LINGO2: variants seen among roughly 807,000 people sequenced by gnomAD.
The protein encoded by LINGO2 is leucine rich repeat and Ig domain containing 2, also known as leucine-rich repeat and immunoglobulin-like domain-containing nogo receptor-interacting protein 2.
LINGO2 carries 14 observed loss-of-function variants against 30.6 expected under a neutral mutation model. That is an observed-to-expected ratio of 0.46 (90% CI 0.30 to 0.72). The LOEUF (loss-of-function observed/expected upper bound fraction) is 0.72, where lower values mean the gene tolerates loss of function less well. Ranked by LOEUF, LINGO2 falls within the 30% of genes least tolerant of loss-of-function variation. The pLI is 0.07. For synonymous variants in LINGO2, 317 were observed against 288.5 expected, an observed-to-expected ratio of 1.10 and a Z score of -1.00; for missense variants, 729 against 751.7, an observed-to-expected ratio of 0.97 and a Z score of 0.35.
At chr9:29,151,919 G>T in the LINGO2 span, among the ~76,000 whole-genome samples, 11 of 152,080 alleles carry the variant, frequency 7.2e-5, no homozygotes, top group Non-Finnish European at 1.3e-4. Flanking sequence ...AACGTCCCAA[G>T]ATTAAACGAG....
the LINGO2 span, among the ~76,000 whole-genome samples, chr9:28,776,460 C>G: frequency 6.6e-6 from 1 of 152,126 alleles, no homozygotes. Flanking sequence ...TGAAAACTAA[C>G]AATGCAGAAA....
At chr9:28,263,415 C>T (rs1822635092) in intron 4 of LINGO2, among the ~76,000 whole-genome samples, 2 of 151,894 alleles carry the variant, frequency 1.3e-5, no homozygotes, top group African/African-American at 4.8e-5. Context: ...TCACAGGTAC[C>T]ACTCACACTA....
At chr9:28,090,336 C>T (rs1826041900) in intron 4 of LINGO2, among the ~76,000 whole-genome samples, 1 of 152,160 alleles carries the variant, frequency 6.6e-6, no homozygotes, top group Non-Finnish European at 1.5e-5. Context: ...CAAACTGAAT[C>T]CAGCAGCACA....
intron 1 of LINGO2, among the ~76,000 whole-genome samples, chr9:28,537,961 T>C (rs1821508419): frequency 6.6e-6 from 1 of 151,144 alleles, no homozygotes; most frequent in Admixed American, 6.6e-5. Flanking sequence ...CCTAAAATTC[T>C]AAGAAATAAT....
At chr9:29,059,591 GA>G in the LINGO2 span, among the ~76,000 whole-genome samples, 221 of 151,790 alleles carry the variant, frequency 1.5e-3, no homozygotes, top group African/African-American at 3.8e-3. Flanking sequence ...ATCATCAATT[GA>G]TTTTCAACGA....
At chr9:28,619,786 T>A (rs576829784) in intron 1 of LINGO2, among the ~76,000 whole-genome samples, 3 of 152,108 alleles carry the variant, frequency 2.0e-5, no homozygotes, top group Non-Finnish European at 4.4e-5. Context: ...TGGTAGTAAT[T>A]TCTTTGAAAC....
intron 1 of LINGO2, among the ~76,000 whole-genome samples, chr9:28,485,834 C>A (rs915540766): frequency 6.6e-6 from 1 of 151,996 alleles, no homozygotes; most frequent in Non-Finnish European, 1.5e-5. Flanking sequence ...GACCTAAGAA[C>A]AAGAGGAGAT....
chr9:28,076,083 G>T (rs72724972), intron 4 of LINGO2, among the ~76,000 whole-genome samples: 15,035 of 152,002 alleles, frequency 0.099, 803 homozygotes, highest in Middle Eastern at 0.14. Flanking sequence ...TATTCCTGCA[G>T]CAGGATATCC....
chr9:28,434,233 A>G (rs10968598), intron 2 of LINGO2, among the ~76,000 whole-genome samples: 25,670 of 151,136 alleles, frequency 0.17, 2,502 homozygotes, highest in East Asian at 0.43. Context: ...GGGATAAAAG[A>G]CTACAAATTG....
the LINGO2 span, among the ~76,000 whole-genome samples, chr9:29,117,271 G>A: frequency 6.6e-6 from 1 of 152,162 alleles, no homozygotes; most frequent in African/African-American, 2.4e-5. Context: ...GCTCAGTTCA[G>A]TTGTTTACTG....
intron 1 of LINGO2, among the ~76,000 whole-genome samples, chr9:28,608,674 A>G (rs988114282): frequency 6.6e-5 from 10 of 151,986 alleles, no homozygotes; most frequent in Non-Finnish European, 1.3e-4. Context: ...CTTTTCCAAA[A>G]TGAAACATCA....
the LINGO2 span, among the ~76,000 whole-genome samples, chr9:29,147,169 T>C: frequency 3.9e-5 from 6 of 152,220 alleles, no homozygotes; most frequent in Non-Finnish European, 7.4e-5. Context: ...ATATTTAGTA[T>C]TAAATGTTTT....
chr9:28,131,942 C>T (rs972896853), intron 4 of LINGO2, among the ~76,000 whole-genome samples: 1 of 152,080 alleles, frequency 6.6e-6, no homozygotes. Context: ...GTAGAAATAA[C>T]ATAGATTTGG....
the LINGO2 span, among the ~76,000 whole-genome samples, chr9:29,090,167 T>C: frequency 1.3e-5 from 2 of 152,056 alleles, no homozygotes; most frequent in African/African-American, 4.8e-5. Context: ...TCCCATATCT[T>C]TGCTAATATA....
chr9:28,029,016 T>A (rs1823530023), intron 4 of LINGO2, among the ~76,000 whole-genome samples: 1 of 152,176 alleles, frequency 6.6e-6, no homozygotes, highest in African/African-American at 2.4e-5. Flanking sequence ...TCACAGGAAC[T>A]TTCAAAAATA....
At position 28,130,295 on chromosome 9, in the gene LINGO2, G is replaced by C. The variant is rs1827347235; in HGVS notation, c.-86-117890C>G. ...GTTCTGCTATGACTGTATTAGTTTT[G>C]GATTCAAAAAGGTTAGCCACTGATA... is the stretch of plus-strand genomic sequence containing the variant. On this transcript the variant is annotated intron_variant, in intron 4 of 5. Transcript: ENST00000379992. The surrounding 1 kb of genome is among the most constrained non-coding windows in gnomAD (Gnocchi z 5.2). 6.6e-6 allele frequency among the ~76,000 whole-genome samples: 1 copy of C among 152,194 alleles called. No individual in the cohort carries two copies. Among genetic ancestry groups the C allele is most frequent in the African/African-American group, 2.4e-5 (1 of 41,518 alleles).
chr9:28,893,053 A>T, the LINGO2 span, among the ~76,000 whole-genome samples: 4 of 151,996 alleles, frequency 2.6e-5, 1 homozygote, highest in Admixed American at 2.6e-4. Flanking sequence ...CTTGATGCTT[A>T]AAGATCCAAA....
chr9:28,990,609 G>T, the LINGO2 span, among the ~76,000 whole-genome samples: 2 of 152,286 alleles, frequency 1.3e-5, no homozygotes, highest in East Asian at 3.9e-4. Context: ...GCACCACCCA[G>T]TAGGGGCAGA....
chr9:28,946,061 G>C, the LINGO2 span, among the ~76,000 whole-genome samples: 3 of 152,096 alleles, frequency 2.0e-5, no homozygotes, highest in African/African-American at 7.2e-5. Context: ...AGTAGATCTA[G>C]ATATATAGCT....
Sources: allele counts gnomAD v4.1 joint callset (sites outside exome capture counted in the v4.1 genomes callset), GRCh38; gene constraint gnomAD v4.1.1; non-coding constraint Gnocchi (gnomAD v3.1); transcripts MANE v1.5; gene names NCBI Gene and HGNC (gene_info 2026-07-23, HGNC 2026-07-21).